The following GANAB variants were observed in gnomAD, a reference collection of about 807,000 sequenced individuals.
GANAB encodes glucosidase II alpha subunit, also known as neutral alpha-glucosidase AB.
Under a neutral mutation model 129.9 loss-of-function variants are expected in GANAB, and 35 were observed. That is an observed-to-expected ratio of 0.27 (90% CI 0.21 to 0.36). The LOEUF (loss-of-function observed/expected upper bound fraction) is 0.36, where lower values mean the gene tolerates loss of function less well. Among genes scored for constraint, GANAB ranks in the 10% least tolerant of loss-of-function variants. GANAB has a pLI of 1.00. For synonymous variants in GANAB, 482 were observed against 451.8 expected (o/e 1.07, Z -0.85); for missense variants, 939 against 1,221.0 (o/e 0.77, Z 3.44).
At chr11:62,636,792 G>A (rs972615434) in intron 4 of GANAB, among the ~76,000 whole-genome samples, 2 of 152,040 alleles carry the variant, frequency 1.3e-5, no homozygotes, top group Admixed American at 6.6e-5. Context: ...GCATAGTGGT[G>A]CACGCCTGTA....
At chr11:62,635,109 G>A (rs1197595064) in intron 4 of GANAB, 109 bp from the exon 5 acceptor site, 1 of 737,338 alleles carries the variant, frequency 1.4e-6, no homozygotes, top group Non-Finnish European at 2.3e-6. Flanking sequence ...AGGCAGTGTG[G>A]TAACAGAGCA....
In GANAB at chr11:62,625,290, T is replaced by C. The variant is rs1943312285; in HGVS notation, c.*525A>G. On this transcript the variant is annotated 3_prime_UTR_variant, in exon 24 of 24. Transcript: ENST00000356638. The stretch of plus-strand genomic sequence containing the variant: ...TCACTCCTTTGATCCATTCATCCTG[T>C]CCGGGGTAAGGGGTGGTCCCAGTGT... The C allele has an allele frequency of 2.2e-6, 1 of 455,858 alleles. No homozygotes were observed. Among genetic ancestry groups the C allele is most frequent in the Non-Finnish European group, 4.4e-6 (1 of 226,780 alleles). The allele number at this position is 455,858 out of a possible 1,614,324, so 28.2% of individuals were successfully genotyped here. A position where few individuals can be genotyped will look rare whatever the true frequency, so the allele number is the denominator to read the frequency against.
Position 62,639,474 on chromosome 11 carries a change from A to T in GANAB, c.144-7T>A, listed in dbSNP as rs1015468602. 2 of 1,609,794 alleles carry T rather than the reference A, an allele frequency of 1.2e-6. No homozygotes were observed. The highest frequency in any genetic ancestry group is 8.5e-7 in the Non-Finnish European group (1 of 1,176,208). ...CCGTATGCTTCTCTGTCGCCTGCCA[A>T]GTGAAGGGTTGGGAAGTAAGGTAAA... On this transcript the variant is annotated splice_polypyrimidine_tract_variant and splice_region_variant and intron_variant, in intron 2 of 23. Coordinates refer to ENST00000356638, the MANE Select transcript of GANAB (RefSeq NM_198334.3).
At chr11:62,645,713 A>T (rs1476501014) in intron 1 of GANAB, among the ~76,000 whole-genome samples, 1 of 152,026 alleles carries the variant, frequency 6.6e-6, no homozygotes, top group Non-Finnish European at 1.5e-5. Context: ...ACCCCAAGAG[A>T]GGTGTTCATA....
chr11:62,626,735 GC>G, intron 20 of GANAB, 51 bp from the exon 21 acceptor site: 1 of 1,380,092 alleles, frequency 7.2e-7, no homozygotes, highest in Non-Finnish European at 1.0e-6. Context: ...CCAACCTTGG[GC>G]CCCACAGCAT....
In GANAB at chr11:62,634,244, A is replaced by G. The variant is rs2957121; in HGVS notation, c.560+577T>C. ...GGAAGGGTCTGGGGCACCTCCCCCC[A>G]AAGGCTAGAGTGAGGAATGGGTAAG... On this transcript the variant is annotated intron_variant, in intron 5 of 23. Coordinates refer to ENST00000356638, the MANE Select transcript of GANAB (RefSeq NM_198334.3). 1,090,999 of 1,105,132 alleles carry G rather than the reference A, an allele frequency of 0.99. 539,458 individuals carry two copies. The highest frequency in any genetic ancestry group is 1 in the East Asian group (42,270 of 42,270). 68.5% of individuals were successfully genotyped at this position (1,105,132 alleles called of 1,614,324 possible).
At chr11:62,631,629 A>G (rs1943686521) in intron 9 of GANAB, among the ~76,000 whole-genome samples, 1 of 151,476 alleles carries the variant, frequency 6.6e-6, no homozygotes, top group Non-Finnish European at 1.5e-5. Context: ...CACCCAGCTA[A>G]CTTTTGTATT....
chr11:62,645,456 A>C (rs1944436711), intron 1 of GANAB, among the ~76,000 whole-genome samples: 1 of 151,718 alleles, frequency 6.6e-6, no homozygotes, highest in South Asian at 2.1e-4. Context: ...GAATGGCGTG[A>C]ACCCAGGAGG....
Position 62,626,345 on chromosome 11 carries a change from G to A in GANAB, c.2614C>T (p.Leu872Phe), listed in dbSNP as rs1226658830. 2 of 1,604,994 alleles carry A rather than the reference G, an allele frequency of 1.2e-6. No individual in the cohort carries two copies. The highest frequency in any genetic ancestry group is 1.7e-5 in the Admixed American group (1 of 60,004). ...LRRFSFSGNT[L>F]VSSSADPEGH... ...TGGGTGACCCATTACCTGGAGACAA[G>A]GGTGTTGCCAGAGAATGAGAATCGA... is the stretch of plus-strand genomic sequence containing the variant. Residue 872 changes from leucine (L) to phenylalanine (F), a missense_variant, in exon 22 of 24, where the codon CTT becomes TTT. Physicochemically the swap from Leu to Phe is conservative, Grantham distance 22. Coordinates refer to ENST00000356638, the MANE Select transcript of GANAB (RefSeq NM_198334.3).
In GANAB at chr11:62,625,842, T is replaced by C. The variant is rs747679741; in HGVS notation, c.2808A>G (p.Ala936=). 3.7e-6 allele frequency: 6 copies of C among 1,611,676 alleles called. No homozygotes were observed. In the South Asian group the frequency reaches 6.6e-5, roughly 18 times the overall value. ...ATCGCAGGTGAATACTCCAATCAGA[T>C]GCCACATTGATGCCAGGCTTGCGCA... ...LVLRKPGINV[A]SDWSIHLR Residue 936 remains alanine, a synonymous_variant, in exon 24 of 24, where the codon GCA becomes GCG. Transcript: ENST00000356638.
At chr11:62,646,339 T>G (rs1944481544) in intron 1 of GANAB, among the ~76,000 whole-genome samples, 2 of 152,194 alleles carry the variant, frequency 1.3e-5, no homozygotes, top group South Asian at 4.1e-4. Context: ...GTGGCTTTAC[T>G]AAACCGCCGG....
chr11:62,633,256 C>T lies in GANAB; in HGVS notation c.646G>A (p.Gly216Arg). 1 of 1,613,680 alleles carries T rather than the reference C, an allele frequency of 6.2e-7. No individual in the cohort carries two copies. Among genetic ancestry groups the T allele is most frequent in the Non-Finnish European group, 8.5e-7 (1 of 1,179,606 alleles). The change falls in exon 7 of 24, where the codon GGG becomes AGG. Residue 216 changes from glycine to arginine, a missense_variant. Coordinates refer to ENST00000356638, the MANE Select transcript of GANAB (RefSeq NM_198334.3). ...RDGDKPEETQGKAEKDEPGAW... is the reference protein window; with the variant it reads ...RDGDKPEETQRKAEKDEPGAW... ...CCTGGCTCATCTTTCTCTGCCTTCCCCTGAGTCTCCTCTGGCTGTTAAGAA... is the reference window on the plus strand; with the variant it reads ...CCTGGCTCATCTTTCTCTGCCTTCCTCTGAGTCTCCTCTGGCTGTTAAGAA...
intron 20 of GANAB, 76 bp downstream of exon 20, chr11:62,626,766 GCCCACATAGGTACTGGAC>G: frequency 7.7e-7 from 1 of 1,297,044 alleles, no homozygotes; most frequent in African/African-American, 1.5e-5. Flanking sequence ...ACTCATGTAT[GCCCACATAGGTACTGGAC>G]CCTAAGGCAC....
At position 62,629,197 on chromosome 11, in the gene GANAB, C is replaced by A; in HGVS notation, c.1933G>T (p.Gly645Trp). The part of the protein sequence containing the change: ...SLGLVGLSFC[G>W]ADVGGFFKNP... ...CCCAAATTCCTCCCTGTCTTACCCC[C>A]ACAGAAGGAAAGTCCCACCAGCCCC... is the stretch of plus-strand genomic sequence containing the variant. The change falls in exon 16 of 24, where the codon GGG (glycine) becomes TGG (tryptophan). Residue 645 changes from glycine to tryptophan, a missense_variant. Transcript: ENST00000356638. 1 of 1,608,432 alleles carries A rather than the reference C, an allele frequency of 6.2e-7. No homozygotes were observed. Among genetic ancestry groups the A allele is most frequent in the Non-Finnish European group, 8.5e-7 (1 of 1,174,904 alleles).
chr11:62,629,377 G>T, intron 15 of GANAB, 82 bp from the exon 16 acceptor site: 1 of 1,020,358 alleles, frequency 9.8e-7, no homozygotes, highest in Non-Finnish European at 1.6e-6. Flanking sequence ...CATCCGCTCT[G>T]GGTCCCCAGA....
chr11:62,634,484 A>C lies in GANAB; in HGVS notation c.560+337T>G, dbSNP rs1565101109. The C allele has an allele frequency of 8.1e-6, 6 of 737,326 alleles. 1 individual carries two copies. In the South Asian group the frequency reaches 9.1e-5, roughly 11 times the overall value. The allele number at this position is 737,326 out of a possible 1,614,324, so 45.7% of individuals were successfully genotyped here. On this transcript the variant is annotated intron_variant, in intron 5 of 23. Transcript: ENST00000356638. ...TCGACAAACTTCCAGAGATGGGGGG[A>C]AAAAGAAACCAAAAAAAATAAATAA...
Position 62,625,245 on chromosome 11 carries a change from A to T in GANAB, c.*570T>A, listed in dbSNP as rs1041016691. The T allele has an allele frequency of 4.0e-5, 18 of 455,294 alleles. No homozygotes were observed. The highest frequency in any genetic ancestry group is 3.1e-5 in the Non-Finnish European group (7 of 226,810). 28.2% of individuals were successfully genotyped at this position (455,294 alleles called of 1,614,324 possible). ...AGGAAAAGGGTAGAATGAGAGGGAAAAGGATGTTCTTTAGCAACCTCACTC... is the reference window on the plus strand; with the variant it reads ...AGGAAAAGGGTAGAATGAGAGGGAATAGGATGTTCTTTAGCAACCTCACTC... On this transcript the variant is annotated 3_prime_UTR_variant, in exon 24 of 24. Coordinates refer to ENST00000356638, the MANE Select transcript of GANAB (RefSeq NM_198334.3).
chr11:62,632,094 C>T (rs1364470209), intron 9 of GANAB, among the ~76,000 whole-genome samples: 3 of 152,032 alleles, frequency 2.0e-5, no homozygotes, highest in African/African-American at 7.2e-5. Context: ...CTGCCTTAGC[C>T]TCCCGAATAG....
intron 4 of GANAB, 24 bp from the exon 5 acceptor site, chr11:62,635,024 A>G (rs925262848): frequency 6.3e-7 from 1 of 1,582,636 alleles, no homozygotes; most frequent in South Asian, 1.1e-5. Flanking sequence ...CAAAAGAAAT[A>G]TAAGGAAGTA....
Sources: allele counts gnomAD v4.1 joint callset (sites outside exome capture counted in the v4.1 genomes callset), GRCh38; gene constraint gnomAD v4.1.1; transcripts MANE v1.5; gene names NCBI Gene and HGNC (gene_info 2026-07-23, HGNC 2026-07-21).